The following KLF8 variants were observed in gnomAD, a reference collection of about 807,000 sequenced individuals.
The protein encoded by KLF8 is Krueppel-like factor 8.
KLF8 carries 10 observed loss-of-function variants against 18.2 expected under a neutral mutation model. The observed-to-expected ratio is 0.55, with a 90% CI of 0.34 to 0.93. KLF8 has a LOEUF of 0.93. Ranked by LOEUF, KLF8 falls within the 40% of genes least tolerant of loss-of-function variation. The pLI, the probability that KLF8 is intolerant of heterozygous loss-of-function variation, is 0.02. For synonymous variants in KLF8, 109 were observed against 97.3 expected, an observed-to-expected ratio of 1.12 and a Z score of -0.71; for missense variants, 264 against 277.9, an observed-to-expected ratio of 0.95 and a Z score of 0.36.
At chrX:55,909,567 T>C in the KLF8 span, among the ~76,000 whole-genome samples, 13 of 112,549 alleles carry the variant, frequency 1.2e-4, no homozygotes, top group Admixed American at 5.6e-4. Flanking sequence ...AACTGATTAG[T>C]AGCCTTCCCA....
chrX:56,033,313 G>T, the KLF8 span, among the ~76,000 whole-genome samples: 1 of 111,365 alleles, frequency 9.0e-6, no homozygotes, highest in African/African-American at 3.3e-5. Context: ...TTAGCATAAT[G>T]TCCTCCAGTT....
chrX:55,943,936 A>G, the KLF8 span, among the ~76,000 whole-genome samples: 36 of 110,635 alleles, frequency 3.3e-4, no homozygotes, highest in African/African-American at 1.1e-3. Context: ...TATGCATTGA[A>G]CTCTAAGAAT....
the KLF8 span, among the ~76,000 whole-genome samples, chrX:56,118,381 CAG>C: frequency 9.0e-6 from 1 of 111,552 alleles, no homozygotes; most frequent in African/African-American, 3.3e-5. Context: ...ATAAACAACT[CAG>C]AAAGTCAGAT....
intron 2 of KLF8, among the ~76,000 whole-genome samples, chrX:56,263,754 A>G (rs2066919902): frequency 8.9e-6 from 1 of 112,045 alleles, no homozygotes; most frequent in African/African-American, 3.2e-5. Flanking sequence ...CAATACTCAA[A>G]TATTTTTACA....
the KLF8 span, among the ~76,000 whole-genome samples, chrX:56,180,170 A>G: frequency 9.0e-6 from 1 of 111,025 alleles, no homozygotes; most frequent in Non-Finnish European, 1.9e-5. Context: ...AATTTTAGAA[A>G]CTGTTATTGG....
At chrX:56,009,894 G>A in the KLF8 span, among the ~76,000 whole-genome samples, 532 of 111,930 alleles carry the variant, frequency 4.8e-3, 3 homozygotes, top group Non-Finnish European at 8.8e-3. Flanking sequence ...AATAAAACAG[G>A]CAGACAAGAT....
At chrX:55,975,538 A>C in the KLF8 span, among the ~76,000 whole-genome samples, 1 of 111,997 alleles carries the variant, frequency 8.9e-6, no homozygotes, top group East Asian at 2.8e-4. Flanking sequence ...GGGCAGATGC[A>C]CTTTGTGTGT....
the KLF8 span, chrX:55,962,169 G>A: frequency 1.9e-5 from 3 of 156,376 alleles, no homozygotes; most frequent in Admixed American, 2.4e-4. Flanking sequence ...AGCCCAGATT[G>A]CTTCTACCAT....
At chrX:56,141,130 A>AT in the KLF8 span, among the ~76,000 whole-genome samples, 4 of 110,817 alleles carry the variant, frequency 3.6e-5, no homozygotes, top group East Asian at 2.8e-4. Flanking sequence ...CACCAGGCTA[A>AT]TTTTTTTTAT....
At chrX:55,923,037 T>TGCA in the KLF8 span, among the ~76,000 whole-genome samples, 15 of 111,371 alleles carry the variant, frequency 1.3e-4, 1 homozygote, top group Non-Finnish European at 2.4e-4. Flanking sequence ...ATATGTTCAT[T>TGCA]GCAGCACTAT....
At chrX:56,197,667 G>A in the KLF8 span, among the ~76,000 whole-genome samples, 1 of 111,419 alleles carries the variant, frequency 9.0e-6, no homozygotes, top group African/African-American at 3.3e-5. Context: ...GTACAAAGAG[G>A]GACTGGCACC....
chrX:56,227,267 T>TA, the KLF8 span, among the ~76,000 whole-genome samples: 2 of 112,193 alleles, frequency 1.8e-5, no homozygotes, highest in African/African-American at 6.5e-5. Context: ...AGCTCAGTGA[T>TA]AAAAAAGTTC....
the KLF8 span, among the ~76,000 whole-genome samples, chrX:56,077,121 G>T: frequency 9.0e-6 from 1 of 111,647 alleles, no homozygotes; most frequent in Non-Finnish European, 1.9e-5. Context: ...AGTTTCTTTG[G>T]CTGTGCAGAA....
chrX:55,993,058 C>T, the KLF8 span, among the ~76,000 whole-genome samples: 2 of 110,872 alleles, frequency 1.8e-5, no homozygotes, highest in Admixed American at 9.6e-5. Context: ...AGGTAGTTTG[C>T]CTTCCTCTCT....
the KLF8 span, among the ~76,000 whole-genome samples, chrX:56,127,986 G>A: frequency 8.9e-6 from 1 of 111,736 alleles, no homozygotes. Context: ...GAGCTTGATG[G>A]CATGAAGGAT....
chrX:56,181,452 A>T, the KLF8 span, among the ~76,000 whole-genome samples: 1 of 111,734 alleles, frequency 8.9e-6, no homozygotes. Flanking sequence ...TGGAGTATTT[A>T]GCCCATTTAC....
the KLF8 span, among the ~76,000 whole-genome samples, chrX:55,915,719 C>T: frequency 3.6e-5 from 4 of 111,984 alleles, no homozygotes; most frequent in Admixed American, 3.8e-4. Flanking sequence ...CTCATGGTGA[C>T]ACTTAACACA....
the KLF8 span, among the ~76,000 whole-genome samples, chrX:56,113,305 G>GT: frequency 1.7e-3 from 184 of 105,340 alleles, no homozygotes; most frequent in African/African-American, 5.6e-3. Context: ...TACTTTCATG[G>GT]TTTTTTTTTT....
chrX:55,959,238 A>G, the KLF8 span, among the ~76,000 whole-genome samples: 2 of 112,308 alleles, frequency 1.8e-5, no homozygotes, highest in African/African-American at 3.2e-5. Flanking sequence ...CCTCAAGAGT[A>G]TGGAAGAATA....
Sources: allele counts gnomAD v4.1 joint callset (sites outside exome capture counted in the v4.1 genomes callset), GRCh38; gene constraint gnomAD v4.1.1; transcripts MANE v1.5; gene names NCBI Gene and HGNC (gene_info 2026-07-23, HGNC 2026-07-21).